The following SORCS1 variants were observed in gnomAD, a reference collection of about 807,000 sequenced individuals.
SORCS1 encodes the protein VPS10 domain-containing receptor SorCS1.
SORCS1 carries 60 observed loss-of-function variants against 146.1 expected under a neutral mutation model. The observed-to-expected ratio is 0.41, with a 90% CI of 0.33 to 0.51. SORCS1 has a LOEUF of 0.51. SORCS1 is among the 20% of genes least tolerant of loss of function. The pLI is 0.21. For missense variants in SORCS1, 1,352 were observed against 1,487.6 expected (o/e 0.91, Z 1.50); for synonymous variants, 637 against 584.0 (o/e 1.09, Z -1.31).
intron 18 of SORCS1, among the ~76,000 whole-genome samples, chr10:106,630,523 G>A (rs1453972789): frequency 6.6e-6 from 1 of 152,106 alleles, no homozygotes; most frequent in South Asian, 2.1e-4. Context: ...AGGTAATCAA[G>A]GCTCCCCTGG....
intron 22 of SORCS1, among the ~76,000 whole-genome samples, chr10:106,610,835 T>C (rs1251423083): frequency 6.6e-6 from 1 of 152,138 alleles, no homozygotes; most frequent in Non-Finnish European, 1.5e-5. Flanking sequence ...TCCCAACACT[T>C]TGGGAGGCCG....
At chr10:106,999,858 C>A (rs1424357393) in intron 1 of SORCS1, among the ~76,000 whole-genome samples, 2 of 152,084 alleles carry the variant, frequency 1.3e-5, no homozygotes, top group Non-Finnish European at 2.9e-5. Flanking sequence ...ATAACTGATA[C>A]CAGAATTCTT....
At chr10:107,042,657 T>C (rs952767721) in intron 1 of SORCS1, among the ~76,000 whole-genome samples, 3 of 151,152 alleles carry the variant, frequency 2.0e-5, no homozygotes, top group African/African-American at 7.3e-5. Context: ...TTGCCAAGGC[T>C]GGAGTGCAGT....
chr10:106,684,784 G>A (rs999217711), intron 10 of SORCS1, among the ~76,000 whole-genome samples: 3 of 152,080 alleles, frequency 2.0e-5, no homozygotes, highest in Admixed American at 6.5e-5. Flanking sequence ...ACTCACAATC[G>A]AAATCACTTT....
At chr10:107,147,321 A>G (rs2134775544) in intron 1 of SORCS1, among the ~76,000 whole-genome samples, 1 of 152,306 alleles carries the variant, frequency 6.6e-6, no homozygotes, top group Non-Finnish European at 1.5e-5. Context: ...AATGAAGAGC[A>G]GGAAGCTATT....
intron 1 of SORCS1, among the ~76,000 whole-genome samples, chr10:107,098,214 C>A (rs1964666954): frequency 6.6e-6 from 1 of 152,150 alleles, no homozygotes; most frequent in African/African-American, 2.4e-5. Context: ...CTCAGTATGT[C>A]TTTCTTTACC....
chr10:107,069,125 G>T (rs1000621783), intron 1 of SORCS1, among the ~76,000 whole-genome samples: 10 of 152,040 alleles, frequency 6.6e-5, no homozygotes, highest in Non-Finnish European at 1.2e-4. Context: ...GACATTAAGG[G>T]TATACTATTG....
At chr10:106,989,702 T>C (rs1248404882) in intron 1 of SORCS1, among the ~76,000 whole-genome samples, 8 of 141,844 alleles carry the variant, frequency 5.6e-5, no homozygotes, top group East Asian at 2.0e-4. Flanking sequence ...TTTTTTTTTT[T>C]CTGAGATGGA....
chr10:106,965,238 G>C (rs1955444532), intron 1 of SORCS1, among the ~76,000 whole-genome samples: 1 of 151,978 alleles, frequency 6.6e-6, no homozygotes. Context: ...TGTATACATG[G>C]GTTTTTGTGG....
chr10:106,614,961 T>C (rs12772601), intron 21 of SORCS1, among the ~76,000 whole-genome samples: 108,600 of 152,040 alleles, frequency 0.71, 40,679 homozygotes, highest in Non-Finnish European at 0.83. Flanking sequence ...AGATTTTCTT[T>C]CTTTTAATTG....
chr10:106,778,731 A>C (rs1182948949), intron 3 of SORCS1, among the ~76,000 whole-genome samples: 1 of 152,174 alleles, frequency 6.6e-6, no homozygotes, highest in Non-Finnish European at 1.5e-5. Flanking sequence ...TAATATGAAG[A>C]AGCTCAATTT....
chr10:106,657,764 A>G (rs528646762), intron 17 of SORCS1, among the ~76,000 whole-genome samples: 4 of 151,566 alleles, frequency 2.6e-5, no homozygotes, highest in African/African-American at 9.7e-5. Context: ...AAATTGTCGG[A>G]GTTTAAATTC....
At chr10:106,821,819 G>A (rs1205889856) in intron 3 of SORCS1, among the ~76,000 whole-genome samples, 2 of 152,030 alleles carry the variant, frequency 1.3e-5, no homozygotes, top group African/African-American at 4.8e-5. Context: ...CTACTCGGGA[G>A]TCTCAGGCAG....
chr10:107,047,652 T>C (rs1033051498), intron 1 of SORCS1, among the ~76,000 whole-genome samples: 1 of 152,180 alleles, frequency 6.6e-6, no homozygotes, highest in African/African-American at 2.4e-5. Context: ...GTTCTCACTT[T>C]TACTGCACTC....
intron 1 of SORCS1, among the ~76,000 whole-genome samples, chr10:107,077,508 G>C (rs1027891026): frequency 1.3e-5 from 2 of 151,160 alleles, no homozygotes; most frequent in African/African-American, 4.9e-5. Context: ...ATGAAACTTA[G>C]GAAAACGTAC....
chr10:107,118,263 G>A (rs890064664), intron 1 of SORCS1, among the ~76,000 whole-genome samples: 11 of 152,148 alleles, frequency 7.2e-5, no homozygotes, highest in East Asian at 1.9e-4. Flanking sequence ...CACCAAATCC[G>A]TTGCTGCCTT....
intron 1 of SORCS1, among the ~76,000 whole-genome samples, chr10:107,034,694 A>AAAAAAAAAAAAC (rs1958815200): frequency 2.7e-5 from 4 of 145,638 alleles, no homozygotes; most frequent in African/African-American, 9.9e-5. Context: ...AAAAAAAAAA[A>AAAAAAAAAAAAC]AAAAAAAAAA....
At chr10:107,118,082 G>A (rs1023344840) in intron 1 of SORCS1, among the ~76,000 whole-genome samples, 25 of 152,120 alleles carry the variant, frequency 1.6e-4, no homozygotes, top group Non-Finnish European at 3.7e-4. Flanking sequence ...CCAGTGCAAT[G>A]ATATTTAAAG....
intron 8 of SORCS1, among the ~76,000 whole-genome samples, chr10:106,703,157 G>A (rs185974425): frequency 2.0e-3 from 302 of 151,062 alleles, no homozygotes; most frequent in Middle Eastern, 3.4e-3. Context: ...AAATATTGTT[G>A]TGAATCTAAG....
Sources: allele counts gnomAD v4.1 joint callset (sites outside exome capture counted in the v4.1 genomes callset), GRCh38; gene constraint gnomAD v4.1.1; transcripts MANE v1.5; gene names NCBI Gene and HGNC (gene_info 2026-07-23, HGNC 2026-07-21).